ZNF280D: variants seen among roughly 807,000 people sequenced by gnomAD.
The protein encoded by ZNF280D is suppressor of hairy wing homolog 4.
A neutral mutation model predicts 94.7 loss-of-function variants in ZNF280D; 39 were observed. The ratio of observed to expected loss-of-function variants is 0.41; its 90% CI spans 0.32 to 0.54. ZNF280D has a LOEUF of 0.54. Among genes scored for constraint, ZNF280D ranks in the 20% least tolerant of loss-of-function variants. The pLI, the probability that ZNF280D is intolerant of heterozygous loss-of-function variation, is 0.22. For synonymous variants in ZNF280D, 398 were observed against 377.6 expected, an observed-to-expected ratio of 1.05 and a Z score of -0.63; for missense variants, 1,090 against 1,149.3, an observed-to-expected ratio of 0.95 and a Z score of 0.75.
chr15:56,716,433 C>A (rs1448622731), intron 1 of ZNF280D, among the ~76,000 whole-genome samples: 1 of 148,968 alleles, frequency 6.7e-6, no homozygotes, highest in African/African-American at 2.5e-5. Context: ...GAAGAAGGAA[C>A]TGAATGTGCA....
Position 56,655,610 on chromosome 15 carries a change from G to A in ZNF280D, c.2058-1107C>T, listed in dbSNP as rs531451170. The stretch of plus-strand genomic sequence containing the variant: ...TACTTTATTTTTGAGTACAGGAAGA[G>A]TTTTTGTCCTCACTGGATCTAACTG... On this transcript the variant is annotated intron_variant, in intron 17 of 21. Transcript: ENST00000267807. Among the ~76,000 whole-genome samples, 3 of 152,316 alleles carry A rather than the reference G, an allele frequency of 2.0e-5. No homozygotes were observed. The East Asian group carries it at 5.8e-4, about 29-fold the overall frequency.
At chr15:56,649,474 T>C (rs1252419173) in intron 19 of ZNF280D, among the ~76,000 whole-genome samples, 1 of 152,124 alleles carries the variant, frequency 6.6e-6, no homozygotes, top group Non-Finnish European at 1.5e-5. Flanking sequence ...GAAGAACTAT[T>C]TTACAGTTCC....
At chr15:56,653,690 GA>G in intron 19 of ZNF280D, 1 of 1,335,092 alleles carries the variant, frequency 7.5e-7, no homozygotes, top group Non-Finnish European at 9.6e-7. Context: ...AAGAAATTAA[GA>G]AAGCAGACAA....
chr15:56,649,416 CT>C (rs1273469552), intron 19 of ZNF280D, among the ~76,000 whole-genome samples: 1 of 152,108 alleles, frequency 6.6e-6, no homozygotes, highest in African/African-American at 2.4e-5. Flanking sequence ...CCAGAAACCA[CT>C]TGCAATTACA....
At chr15:56,657,120 C>T (rs191928456) in intron 17 of ZNF280D, among the ~76,000 whole-genome samples, 1 of 151,876 alleles carries the variant, frequency 6.6e-6, no homozygotes. Flanking sequence ...AAGACACTGA[C>T]ATTTCAAGGA....
chr15:56,723,659 A>G (rs1475601050), intron 1 of ZNF280D, among the ~76,000 whole-genome samples: 5 of 152,016 alleles, frequency 3.3e-5, no homozygotes, highest in Admixed American at 3.3e-4. Flanking sequence ...ATATCTAGTC[A>G]ATTCCCCAAC....
At position 56,677,569 on chromosome 15, in the gene ZNF280D, T is replaced by G; in HGVS notation, c.1263+5A>C. The G allele has an allele frequency of 6.3e-7, 1 of 1,583,284 alleles. No individual in the cohort carries two copies. Among genetic ancestry groups the G allele is most frequent in the Non-Finnish European group, 8.7e-7 (1 of 1,153,558 alleles). ...ACTTAAAAAAACAATAAAATGTATG[T>G]GTACCTGGCAGACATATGGCATTTC... On this transcript the variant is annotated splice_donor_5th_base_variant and intron_variant, in intron 12 of 21. Transcript: ENST00000267807.
intron 11 of ZNF280D, among the ~76,000 whole-genome samples, chr15:56,678,169 G>A (rs557625322): frequency 2.0e-5 from 3 of 151,802 alleles, no homozygotes; most frequent in South Asian, 2.1e-4. Flanking sequence ...CACCATGCCC[G>A]GCTAATTTTT....
chr15:56,725,765 A>G (rs2058599540), intron 1 of ZNF280D, among the ~76,000 whole-genome samples: 1 of 152,188 alleles, frequency 6.6e-6, no homozygotes, highest in Admixed American at 6.5e-5. Flanking sequence ...GTTACATACC[A>G]ATCCAAAAAG....
chr15:56,733,016 T>A (rs2058973877), intron 1 of ZNF280D: 1 of 152,414 alleles, frequency 6.6e-6, no homozygotes, highest in Non-Finnish European at 1.5e-5. Flanking sequence ...TTGGTCTCCT[T>A]TCCTACGACT....
chr15:56,633,339 G>C (rs1596312969), intron 21 of ZNF280D, among the ~76,000 whole-genome samples: 2 of 151,684 alleles, frequency 1.3e-5, no homozygotes, highest in African/African-American at 4.9e-5. Flanking sequence ...AACAATTATT[G>C]ATTAACAATA....
intron 13 of ZNF280D, among the ~76,000 whole-genome samples, chr15:56,670,763 C>A (rs1385626431): frequency 6.6e-6 from 1 of 152,024 alleles, no homozygotes; most frequent in Non-Finnish European, 1.5e-5. Flanking sequence ...GGAATTGCCA[C>A]ACTCTCTTCC....
intron 1 of ZNF280D, among the ~76,000 whole-genome samples, chr15:56,729,146 A>G (rs927065663): frequency 8.1e-6 from 1 of 123,280 alleles, no homozygotes; most frequent in Non-Finnish European, 1.8e-5. Flanking sequence ...ATGAAATATG[A>G]TAAGCTTGGA....
intron 19 of ZNF280D, 70 bp downstream of exon 19, chr15:56,654,128 G>T: frequency 6.4e-7 from 1 of 1,559,506 alleles, no homozygotes; most frequent in South Asian, 1.2e-5. Context: ...TCGTATTAAT[G>T]ATACATTTAA....
At chr15:56,664,202 G>A (rs1451297431) in intron 16 of ZNF280D, among the ~76,000 whole-genome samples, 1 of 152,108 alleles carries the variant, frequency 6.6e-6, no homozygotes, top group African/African-American at 2.4e-5. Context: ...CTTTAAAAGA[G>A]GAATGTTAGT....
chr15:56,662,192 C>T (rs888984216), intron 16 of ZNF280D, among the ~76,000 whole-genome samples: 2 of 151,368 alleles, frequency 1.3e-5, no homozygotes, highest in African/African-American at 2.4e-5. Flanking sequence ...GATTATAGAG[C>T]AATTTATGTG....
At chr15:56,689,804 G>A (rs1184199018) in intron 7 of ZNF280D, among the ~76,000 whole-genome samples, 1 of 151,584 alleles carries the variant, frequency 6.6e-6, no homozygotes, top group African/African-American at 2.4e-5. Flanking sequence ...CTATGAATAA[G>A]TTCTGACAAA....
Position 56,731,828 on chromosome 15 carries a change from A to G in ZNF280D, c.-86+1630T>C, listed in dbSNP as rs560248695. Reference sequence around the variant, plus strand: ...TTCAAATGGGCTATTTAACTTTCCAATATTTTCGAAAAAAATAGCAAGTTG... The same window carrying G: ...TTCAAATGGGCTATTTAACTTTCCAGTATTTTCGAAAAAAATAGCAAGTTG... On this transcript the variant is annotated intron_variant, in intron 1 of 21. Coordinates refer to ENST00000267807, the MANE Select transcript of ZNF280D (RefSeq NM_017661.4). Among the ~76,000 whole-genome samples, 31 of 152,306 alleles carry G rather than the reference A, an allele frequency of 2.0e-4. No individual in the cohort carries two copies. The South Asian group carries it at 6.2e-3, about 31-fold the overall frequency.
chr15:56,670,268 A>G (rs1202842885), intron 13 of ZNF280D, among the ~76,000 whole-genome samples: 1 of 150,458 alleles, frequency 6.6e-6, no homozygotes, highest in African/African-American at 2.4e-5. Flanking sequence ...GTAAACGTGT[A>G]TCCCGGAGGT....
Sources: allele counts gnomAD v4.1 joint callset (sites outside exome capture counted in the v4.1 genomes callset), GRCh38; gene constraint gnomAD v4.1.1; transcripts MANE v1.5; gene names NCBI Gene and HGNC (gene_info 2026-07-23, HGNC 2026-07-21).